Variants in SETBP1 observed in about 807,000 individuals in gnomAD.
SETBP1 encodes SET-binding protein.
Under a neutral mutation model 101.0 loss-of-function variants are expected in SETBP1, and 9 were observed. The ratio of observed to expected loss-of-function variants is 0.09; its 90% CI spans 0.05 to 0.16. The LOEUF (loss-of-function observed/expected upper bound fraction) is 0.16. SETBP1 is among the 10% of genes least tolerant of loss of function. The pLI, the probability that SETBP1 is intolerant of heterozygous loss-of-function variation, is 1.00. For synonymous variants in SETBP1, 818 were observed against 788.5 expected (o/e 1.04, Z -0.63); for missense variants, 1,858 against 2,033.8 (o/e 0.91, Z 1.66).
intron 1 of SETBP1, among the ~76,000 whole-genome samples, chr18:44,693,815 G>A (rs2068972807): frequency 6.6e-6 from 1 of 152,312 alleles, no homozygotes; most frequent in East Asian, 1.9e-4. Context: ...CAGAAAAGCA[G>A]GCAGTCATCA....
At chr18:45,027,403 G>A (rs545129379) in intron 4 of SETBP1, among the ~76,000 whole-genome samples, 1 of 152,124 alleles carries the variant, frequency 6.6e-6, no homozygotes, top group African/African-American at 2.4e-5. Context: ...GGAAGAGCTT[G>A]CAATAACCCA....
chr18:44,784,813 G>C (rs1333647550), intron 2 of SETBP1, among the ~76,000 whole-genome samples: 1 of 152,196 alleles, frequency 6.6e-6, no homozygotes, highest in Non-Finnish European at 1.5e-5. Context: ...ACTAGGGCCA[G>C]AGTTCAGTCT....
At chr18:44,788,790 A>ATTTTTTTTT (rs34929410) in intron 2 of SETBP1, among the ~76,000 whole-genome samples, 3 of 80,432 alleles carry the variant, frequency 3.7e-5, no homozygotes, top group Admixed American at 1.7e-4. Flanking sequence ...TTCCTTTTTA[A>ATTTTTTTTT]TTTTTTTTTT....
At chr18:44,718,381 C>G (rs1319026925) in intron 2 of SETBP1, among the ~76,000 whole-genome samples, 1 of 152,110 alleles carries the variant, frequency 6.6e-6, no homozygotes, top group East Asian at 1.9e-4. Flanking sequence ...GATCCCAGAG[C>G]TGTGAGAGCA....
intron 3 of SETBP1, among the ~76,000 whole-genome samples, chr18:44,905,075 G>A (rs1279694115): frequency 6.6e-6 from 1 of 152,164 alleles, no homozygotes; most frequent in Non-Finnish European, 1.5e-5. Flanking sequence ...TGTAGACCAT[G>A]AATAAAAGTA....
intron 2 of SETBP1, among the ~76,000 whole-genome samples, chr18:44,847,462 G>A (rs1052294358): frequency 1.3e-5 from 2 of 152,220 alleles, no homozygotes; most frequent in African/African-American, 4.8e-5. Context: ...AGAACATGGG[G>A]GTCAGTGGCT....
intron 3 of SETBP1, among the ~76,000 whole-genome samples, chr18:44,927,319 C>T (rs1209206738): frequency 6.6e-6 from 1 of 152,180 alleles, no homozygotes; most frequent in African/African-American, 2.4e-5. Flanking sequence ...CATTCCATGA[C>T]AGCAACTGCC....
chr18:44,788,240 T>G (rs1489095330), intron 2 of SETBP1, among the ~76,000 whole-genome samples: 1 of 152,074 alleles, frequency 6.6e-6, no homozygotes, highest in Admixed American at 6.6e-5. Flanking sequence ...GCTGCCTCCT[T>G]TCTGAACTGC....
chr18:44,905,488 G>T (rs1438184460), intron 3 of SETBP1, among the ~76,000 whole-genome samples: 1 of 152,132 alleles, frequency 6.6e-6, no homozygotes, highest in Non-Finnish European at 1.5e-5. Flanking sequence ...ACTATGTCTG[G>T]ATGGAATTAA....
intron 3 of SETBP1, among the ~76,000 whole-genome samples, chr18:44,898,234 C>A (rs909831048): frequency 2.6e-5 from 4 of 152,094 alleles, no homozygotes; most frequent in East Asian, 1.9e-4. Flanking sequence ...TAACTCATGA[C>A]CTTTAAATTG....
chr18:44,713,304 G>C (rs764103120), intron 2 of SETBP1, among the ~76,000 whole-genome samples: 25 of 151,942 alleles, frequency 1.6e-4, no homozygotes, highest in Non-Finnish European at 2.9e-5. Context: ...ACTCCCTAAG[G>C]CATAGTTATT....
chr18:44,740,543 G>C (rs1010314596), intron 2 of SETBP1, among the ~76,000 whole-genome samples: 1 of 152,216 alleles, frequency 6.6e-6, no homozygotes, highest in Non-Finnish European at 1.5e-5. Context: ...CTTTAAAAGA[G>C]AGAAATAGGG....
intron 5 of SETBP1, among the ~76,000 whole-genome samples, chr18:45,052,652 C>T (rs2073740759): frequency 6.6e-6 from 1 of 152,148 alleles, no homozygotes; most frequent in African/African-American, 2.4e-5. Flanking sequence ...TGTGGTTCAT[C>T]CATCATCTAC....
intron 4 of SETBP1, among the ~76,000 whole-genome samples, chr18:44,961,865 T>G (rs2071619051): frequency 6.6e-6 from 1 of 152,206 alleles, no homozygotes; most frequent in African/African-American, 2.4e-5. Context: ...ATGAACAAGT[T>G]ATCACAAGTT....
intron 3 of SETBP1, among the ~76,000 whole-genome samples, chr18:44,899,737 C>A (rs2069996261): frequency 6.6e-6 from 1 of 152,114 alleles, no homozygotes; most frequent in Admixed American, 6.5e-5. Flanking sequence ...ATTCTATGTG[C>A]CCTTGGACAA....
At chr18:44,862,171 T>C (rs1215545822) in intron 2 of SETBP1, among the ~76,000 whole-genome samples, 2 of 152,120 alleles carry the variant, frequency 1.3e-5, no homozygotes, top group Non-Finnish European at 2.9e-5. Flanking sequence ...ATATAAAAGC[T>C]CTCTTGGCTC....
At chr18:44,744,988 G>T (rs1426516999) in intron 2 of SETBP1, among the ~76,000 whole-genome samples, 1 of 152,162 alleles carries the variant, frequency 6.6e-6, no homozygotes, top group South Asian at 2.1e-4. Context: ...TGGGGCTGGC[G>T]GGCAGGCTGT....
chr18:44,829,330 AT>A (rs900688037), intron 2 of SETBP1, among the ~76,000 whole-genome samples: 28 of 152,054 alleles, frequency 1.8e-4, no homozygotes, highest in Admixed American at 1.5e-3. Context: ...CCTGTGAATA[AT>A]TTTTTTTGGT....
chr18:44,836,649 A>G (rs1224820705), intron 2 of SETBP1, among the ~76,000 whole-genome samples: 1 of 152,158 alleles, frequency 6.6e-6, no homozygotes, highest in Admixed American at 6.5e-5. Flanking sequence ...GCTTCTCAAT[A>G]CTAGTCTGGG....
Sources: allele counts gnomAD v4.1 joint callset (sites outside exome capture counted in the v4.1 genomes callset), GRCh38; gene constraint gnomAD v4.1.1; transcripts MANE v1.5; gene names NCBI Gene and HGNC (gene_info 2026-07-23, HGNC 2026-07-21).